Variants in COL14A1 observed in about 807,000 individuals in gnomAD.
COL14A1 encodes the protein collagen alpha-1(XIV) chain.
Under a neutral mutation model 230.3 loss-of-function variants are expected in COL14A1, and 136 were observed. That is an observed-to-expected ratio of 0.59 (90% CI 0.51 to 0.68). The LOEUF (loss-of-function observed/expected upper bound fraction) is 0.68, where lower values mean the gene tolerates loss of function less well. Among genes scored for constraint, COL14A1 ranks in the 30% least tolerant of loss-of-function variants. The pLI, the probability that COL14A1 is intolerant of heterozygous loss-of-function variation, is 0.00. For missense variants in COL14A1, 1,976 were observed against 2,215.8 expected (o/e 0.89, Z 2.17); for synonymous variants, 792 against 784.1 (o/e 1.01, Z -0.17).
At chr8:120,310,158 T>G (rs1215690740) in intron 37 of COL14A1, 96 bp downstream of exon 37, 5 of 1,283,282 alleles carry the variant, frequency 3.9e-6, no homozygotes, top group Admixed American at 2.0e-5. Flanking sequence ...ATTTCACCCT[T>G]GCAATCTAAA....
At chr8:120,365,639 A>T (rs943142965) in intron 45 of COL14A1, among the ~76,000 whole-genome samples, 1 of 152,224 alleles carries the variant, frequency 6.6e-6, no homozygotes, top group African/African-American at 2.4e-5. Flanking sequence ...GGTGAGTCAG[A>T]GTTAGCTGTG....
intron 5 of COL14A1, among the ~76,000 whole-genome samples, chr8:120,185,795 G>A (rs1464890280): frequency 6.6e-6 from 1 of 151,984 alleles, no homozygotes; most frequent in East Asian, 1.9e-4. Context: ...ATTTTGAGAT[G>A]GAGTTTTGCT....
At chr8:120,138,525 C>T (rs1222583837) in intron 1 of COL14A1, among the ~76,000 whole-genome samples, 2 of 152,140 alleles carry the variant, frequency 1.3e-5, no homozygotes, top group Non-Finnish European at 2.9e-5. Context: ...ATCACCATGC[C>T]ATGCATAGTG....
chr8:120,313,859 TA>T, intron 37 of COL14A1, 72 bp from the exon 38 acceptor site: 1 of 918,208 alleles, frequency 1.1e-6, no homozygotes, highest in Non-Finnish European at 1.7e-6. Context: ...ATAATTGTCC[TA>T]AGCAGAAATA....
chr8:120,146,534 C>T (rs4871044), intron 1 of COL14A1, among the ~76,000 whole-genome samples: 55,122 of 151,770 alleles, frequency 0.36, 11,338 homozygotes, highest in East Asian at 0.57. Context: ...TGTTTTATCA[C>T]CAAAATTTCC....
chr8:120,212,604 A>T, intron 13 of COL14A1, 27 bp downstream of exon 13: 1 of 1,612,022 alleles, frequency 6.2e-7, no homozygotes, highest in Non-Finnish European at 8.5e-7. Flanking sequence ...TTCAGTTGGG[A>T]TGCTGTAGTA....
intron 19 of COL14A1, 118 bp from the exon 20 acceptor site, chr8:120,243,761 A>T: frequency 8.3e-7 from 1 of 1,207,274 alleles, no homozygotes; most frequent in Non-Finnish European, 1.2e-6. Context: ...TTTTCTCCTC[A>T]CTCTCAAAGC....
chr8:120,193,786 T>G (rs1178182218), intron 5 of COL14A1, among the ~76,000 whole-genome samples: 1 of 152,090 alleles, frequency 6.6e-6, no homozygotes, highest in Admixed American at 6.5e-5. Flanking sequence ...GCTGCCACCT[T>G]ATAGTTTGAT....
rs111781503 is a variant in COL14A1, at chr8:120,306,928, GT to G, written c.4402-3080del. Among the ~76,000 whole-genome samples the G allele has an allele frequency of 3.8e-3, 580 of 152,280 alleles. 3 individuals are homozygous for G. Among genetic ancestry groups the G allele is most frequent in the African/African-American group, 0.013 (529 of 41,566 alleles). ...AAATTAAAAAGTTGTGACAGACTGG[GT>G]ATATTAACTGGGAGAGACTAGGCTG... On this transcript the variant is annotated intron_variant, in intron 36 of 47. Transcript: ENST00000297848.
chr8:120,247,519 G>T, intron 20 of COL14A1, 94 bp from the exon 21 acceptor site: 1 of 1,155,300 alleles, frequency 8.7e-7, no homozygotes. Context: ...TTTTAATTTT[G>T]TGGGAAGATG....
intron 47 of COL14A1, chr8:120,370,198 A>C: frequency 1.2e-6 from 1 of 809,014 alleles, no homozygotes; most frequent in Non-Finnish European, 2.0e-6. Flanking sequence ...TTACTAGTTA[A>C]TGGGTTTAAA....
At chr8:120,186,565 C>T (rs1321500730) in intron 5 of COL14A1, among the ~76,000 whole-genome samples, 1 of 152,212 alleles carries the variant, frequency 6.6e-6, no homozygotes, top group Non-Finnish European at 1.5e-5. Context: ...ACTCTCCTTT[C>T]GTTCAACTTA....
intron 1 of COL14A1, among the ~76,000 whole-genome samples, chr8:120,141,244 A>G (rs1247015910): frequency 1.3e-5 from 2 of 152,166 alleles, no homozygotes; most frequent in Non-Finnish European, 2.9e-5. Flanking sequence ...AATAAACAAC[A>G]ACTAAAGAAG....
At position 120,199,871 on chromosome 8, in the gene COL14A1, C is replaced by G. The variant is rs182119791; in HGVS notation, c.877+305C>G. ...ACATGTTTGTTACTGTTTAGTAAGT[C>G]AAGACTTTCTCTTAAGGGTCATAGC... On this transcript the variant is annotated intron_variant, in intron 8 of 47. Transcript: ENST00000297848. Among the ~76,000 whole-genome samples the G allele has an allele frequency of 2.2e-4, 34 of 151,964 alleles. No homozygotes were observed. In the East Asian group the frequency reaches 6.0e-3, roughly 27 times the overall value.
chr8:120,315,895 A>C (rs752958695), intron 39 of COL14A1, 49 bp from the exon 40 acceptor site: 29 of 1,594,186 alleles, frequency 1.8e-5, no homozygotes, highest in Non-Finnish European at 2.5e-5. Flanking sequence ...GCGTGAGCAG[A>C]TGACTCATTC....
At chr8:120,315,462 TGA>T in intron 38 of COL14A1, 69 bp from the exon 39 acceptor site, 1 of 1,183,076 alleles carries the variant, frequency 8.5e-7, no homozygotes, top group South Asian at 1.3e-5. Flanking sequence ...ATTTAAATAA[TGA>T]GAGAAGGAAA....
rs1812162847 is a variant in COL14A1, at chr8:120,371,712, C to T, written c.*481C>T. ...AAAAGGGACAATATTGGAGAAACTA[C>T]CTCTTGTTTAATTGATCTGTCCAAC... On this transcript the variant is annotated 3_prime_UTR_variant, in exon 48 of 48. Coordinates refer to ENST00000297848, the MANE Select transcript of COL14A1 (RefSeq NM_021110.4). 2.5e-6 allele frequency: 1 copy of T among 398,190 alleles called. No homozygotes were observed. The highest frequency in any genetic ancestry group is 4.4e-6 in the Non-Finnish European group (1 of 225,536). The allele number at this position is 398,190 out of a possible 1,614,324, so 24.7% of individuals were successfully genotyped here. A position where few individuals can be genotyped will look rare whatever the true frequency, so the allele number is the denominator to read the frequency against.
At chr8:120,362,677 G>C (rs78382705) in intron 45 of COL14A1, among the ~76,000 whole-genome samples, 2,038 of 152,236 alleles carry the variant, frequency 0.013, 41 homozygotes, top group African/African-American at 0.045. Context: ...TGTACAATGA[G>C]CAAGGCTATG....
chr8:120,302,647 A>G (rs900547735), intron 36 of COL14A1, among the ~76,000 whole-genome samples: 48 of 152,006 alleles, frequency 3.2e-4, no homozygotes, highest in African/African-American at 1.1e-3. Context: ...CCATAGCCCT[A>G]TAGTATAGTT....
Sources: gnomAD v4.1 joint callset for allele counts (sites outside exome capture counted in the v4.1 genomes callset) on GRCh38, gnomAD v4.1.1 for gene constraint, MANE v1.5 for transcripts, NCBI Gene and HGNC (gene_info 2026-07-23, HGNC 2026-07-21) for gene names.